TMEM178B: variants seen among roughly 807,000 people sequenced by gnomAD.
TMEM178B encodes transmembrane protein 178B.
In TMEM178B, 5 loss-of-function variants were observed where a neutral mutation model predicts 31.0. The observed-to-expected ratio is 0.16, with a 90% CI of 0.08 to 0.34. The LOEUF (loss-of-function observed/expected upper bound fraction) is 0.34, where lower values mean the gene tolerates loss of function less well. TMEM178B is among the 10% of genes least tolerant of loss of function. TMEM178B has a pLI of 1.00. For missense variants in TMEM178B, 275 were observed against 400.3 expected (o/e 0.69, Z 2.67); for synonymous variants, 164 against 164.0 (o/e 1.00, Z 0.00).
chr7:141,205,049 C>T (rs1435353972), intron 1 of TMEM178B, among the ~76,000 whole-genome samples: 4 of 152,160 alleles, frequency 2.6e-5, no homozygotes, highest in Non-Finnish European at 5.9e-5. Context: ...TCGTCTTGAA[C>T]TCCTGGCCTC....
chr7:141,206,363 G>A (rs1478176363), intron 1 of TMEM178B, among the ~76,000 whole-genome samples: 1 of 152,176 alleles, frequency 6.6e-6, no homozygotes, highest in Non-Finnish European at 1.5e-5. Flanking sequence ...GGAGATGTGA[G>A]AGGAAGAGCC....
chr7:141,109,595 G>A (rs1002792934), intron 1 of TMEM178B, among the ~76,000 whole-genome samples: 3 of 152,124 alleles, frequency 2.0e-5, no homozygotes, highest in African/African-American at 7.2e-5. Flanking sequence ...CATTGCAAGG[G>A]GGGGACTGTG....
At chr7:141,336,933 T>TCACCACCACCGCCAC in intron 2 of TMEM178B, among the ~76,000 whole-genome samples, 1 of 35,328 alleles carries the variant, frequency 2.8e-5, no homozygotes, top group East Asian at 1.2e-3. Flanking sequence ...ACCACCACCA[T>TCACCACCACCGCCAC]CACCACCACC....
At chr7:141,345,332 A>G (rs1046129765) in intron 2 of TMEM178B, among the ~76,000 whole-genome samples, 2 of 152,222 alleles carry the variant, frequency 1.3e-5, no homozygotes, top group African/African-American at 2.4e-5. Flanking sequence ...ATTTAGGCAA[A>G]CAACTCGAGA....
intron 1 of TMEM178B, among the ~76,000 whole-genome samples, chr7:141,150,758 C>A (rs905703156): frequency 1.3e-5 from 2 of 152,204 alleles, no homozygotes; most frequent in African/African-American, 4.8e-5. Flanking sequence ...AGCAGAACTG[C>A]CTAGTCAGCC....
intron 2 of TMEM178B, among the ~76,000 whole-genome samples, chr7:141,294,156 C>T (rs1206336953): frequency 6.6e-6 from 1 of 152,056 alleles, no homozygotes; most frequent in East Asian, 1.9e-4. Flanking sequence ...TTGCTCACTC[C>T]CAAAGTGCTG....
At chr7:141,089,910 A>G (rs145213983) in intron 1 of TMEM178B, among the ~76,000 whole-genome samples, 1,746 of 152,170 alleles carry the variant, frequency 0.011, 30 homozygotes, top group African/African-American at 0.04. Context: ...CCTAATGTAA[A>G]TGACGAGTTA....
chr7:141,386,000 C>G (rs899661241), intron 2 of TMEM178B, among the ~76,000 whole-genome samples: 1 of 152,200 alleles, frequency 6.6e-6, no homozygotes, highest in Non-Finnish European at 1.5e-5. Context: ...GACAGATTTT[C>G]TGTGAAGCGC....
chr7:141,470,868 GA>G lies in TMEM178B; in HGVS notation c.*83del. 1.2e-6 allele frequency: 1 copy of G among 837,580 alleles called. No individual in the cohort carries two copies. Among genetic ancestry groups the G allele is most frequent in the South Asian group, 5.7e-5 (1 of 17,436 alleles). The allele number at this position is 837,580 out of a possible 1,614,324, so 51.9% of individuals were successfully genotyped here. A position where few individuals can be genotyped will look rare whatever the true frequency, so the allele number is the denominator to read the frequency against. Reference sequence around the variant, plus strand: ...ATAAAACAAAACAAAACTAAATCAAGACGATGCCAGTGCCAAGGTAGAGTTG... The same window carrying G: ...ATAAAACAAAACAAAACTAAATCAAGCGATGCCAGTGCCAAGGTAGAGTTG... On this transcript the variant is annotated 3_prime_UTR_variant, in exon 4 of 4. Transcript: ENST00000565468.
At chr7:141,201,248 C>A (rs1164571186) in intron 1 of TMEM178B, among the ~76,000 whole-genome samples, 5 of 152,304 alleles carry the variant, frequency 3.3e-5, no homozygotes. Context: ...TGACACCAGA[C>A]CTGGGAGCCG....
chr7:141,150,428 CTTTCTA>C (rs1366319565), intron 1 of TMEM178B, among the ~76,000 whole-genome samples: 1 of 152,232 alleles, frequency 6.6e-6, no homozygotes, highest in Non-Finnish European at 1.5e-5. Context: ...TTTTGAAGCT[CTTTCTA>C]TCAGTGGGTA....
chr7:141,200,813 C>T (rs1796864200), intron 1 of TMEM178B, among the ~76,000 whole-genome samples: 2 of 152,116 alleles, frequency 1.3e-5, no homozygotes, highest in Non-Finnish European at 1.5e-5. Flanking sequence ...AATGATGGCA[C>T]CCAAAGTGCT....
chr7:141,256,685 C>G (rs994678598), intron 2 of TMEM178B, among the ~76,000 whole-genome samples: 1 of 151,910 alleles, frequency 6.6e-6, no homozygotes, highest in African/African-American at 2.4e-5. Flanking sequence ...AGAATTTTGT[C>G]TTAAGGGAGA....
chr7:141,410,966 A>C (rs1195886194), intron 2 of TMEM178B, among the ~76,000 whole-genome samples: 1 of 152,210 alleles, frequency 6.6e-6, no homozygotes, highest in African/African-American at 2.4e-5. Context: ...CAAAATAACA[A>C]ATGTTGTATG....
At chr7:141,161,936 G>C (rs966126649) in intron 1 of TMEM178B, among the ~76,000 whole-genome samples, 1 of 132,528 alleles carries the variant, frequency 7.5e-6, no homozygotes, top group Non-Finnish European at 1.6e-5. Context: ...GTGTGTGTTT[G>C]TGTGAGGATT....
chr7:141,117,573 A>G (rs999390074), intron 1 of TMEM178B, among the ~76,000 whole-genome samples: 2 of 152,116 alleles, frequency 1.3e-5, no homozygotes, highest in African/African-American at 4.8e-5. Flanking sequence ...TTAGTCATGA[A>G]GTCTTTGCCC....
chr7:141,396,180 A>G (rs1800634144), intron 2 of TMEM178B, among the ~76,000 whole-genome samples: 1 of 152,158 alleles, frequency 6.6e-6, no homozygotes, highest in South Asian at 2.1e-4. Flanking sequence ...CAGCAGGGAA[A>G]GAGTGGCATT....
chr7:141,417,948 A>G (rs568481040), intron 2 of TMEM178B, among the ~76,000 whole-genome samples: 5 of 152,274 alleles, frequency 3.3e-5, no homozygotes, highest in African/African-American at 1.2e-4. Flanking sequence ...AAGTCCAGAC[A>G]GTCTGACTCC....
chr7:141,384,792 G>A (rs533938415), intron 2 of TMEM178B, among the ~76,000 whole-genome samples: 5 of 152,238 alleles, frequency 3.3e-5, no homozygotes, highest in African/African-American at 1.2e-4. Context: ...ATGTGGAGGA[G>A]ACACTTTACT....
Sources: gnomAD v4.1 joint callset for allele counts (sites outside exome capture counted in the v4.1 genomes callset) on GRCh38, gnomAD v4.1.1 for gene constraint, MANE v1.5 for transcripts, NCBI Gene and HGNC (gene_info 2026-07-23, HGNC 2026-07-21) for gene names.